NRXN3: variants seen among roughly 807,000 people sequenced by gnomAD.
NRXN3 encodes neurexin III.
Under a neutral mutation model 137.6 loss-of-function variants are expected in NRXN3, and 32 were observed. That is an observed-to-expected ratio of 0.23 (90% CI 0.18 to 0.31). The LOEUF (loss-of-function observed/expected upper bound fraction) is 0.31, where lower values mean the gene tolerates loss of function less well. NRXN3 is among the 10% of genes least tolerant of loss of function. NRXN3 has a pLI of 1.00. For missense variants in NRXN3, 1,574 were observed against 2,062.5 expected (o/e 0.76, Z 4.59); for synonymous variants, 798 against 784.5 (o/e 1.02, Z -0.29).
Position 79,001,221 on chromosome 14 carries a change from C to G in NRXN3, c.3262+13080C>G, listed in dbSNP as rs191868562. 4.6e-5 allele frequency among the ~76,000 whole-genome samples: 7 copies of G among 152,284 alleles called. No individual in the cohort carries two copies. In the East Asian group the frequency reaches 1.4e-3, roughly 29 times the overall value. Reference sequence around the variant, plus strand: ...GTGAAGAAGACTTCACAGTCCTTGACAGTCTTTGAGCTCTCCATTGTTGTT... The same window carrying G: ...GTGAAGAAGACTTCACAGTCCTTGAGAGTCTTTGAGCTCTCCATTGTTGTT... On this transcript the variant is annotated intron_variant, in intron 15 of 20. Coordinates refer to ENST00000335750, the MANE Select transcript of NRXN3 (RefSeq NM_001330195.2).
intron 6 of NRXN3, among the ~76,000 whole-genome samples, chr14:78,705,209 T>C (rs6574465): frequency 0.97 from 147,038 of 152,334 alleles, 71,073 homozygotes; most frequent in Non-Finnish European, 0.99. Context: ...CTTTCTGTCA[T>C]TTGATGCCAC....
chr14:79,062,964 T>G (rs553474195), intron 15 of NRXN3, among the ~76,000 whole-genome samples: 1 of 152,214 alleles, frequency 6.6e-6, no homozygotes, highest in South Asian at 2.1e-4. Context: ...AGGCAGTAAT[T>G]TGTATAGTAT....
rs555738398 is a variant in NRXN3, at chr14:78,461,775, C to T, written c.757+163915C>T. 3.9e-5 allele frequency among the ~76,000 whole-genome samples: 6 copies of T among 152,266 alleles called. No homozygotes were observed. The South Asian group carries it at 6.2e-4, about 16-fold the overall frequency. ...AAGATGTTGGGGTCACTATAAGCTT[C>T]GAGAATGGCTGAGGTCCAAATCCTA... On this transcript the variant is annotated intron_variant, in intron 4 of 20. Transcript: ENST00000335750.
At chr14:78,279,339 T>C (rs193273283) in intron 3 of NRXN3, among the ~76,000 whole-genome samples, 1 of 152,336 alleles carries the variant, frequency 6.6e-6, no homozygotes. Flanking sequence ...TATAGACAAA[T>C]ATATATGCAC....
chr14:78,853,538 T>C (rs2099048732), intron 10 of NRXN3, among the ~76,000 whole-genome samples: 1 of 152,188 alleles, frequency 6.6e-6, no homozygotes, highest in Non-Finnish European at 1.5e-5. Flanking sequence ...ATTATAACAT[T>C]TGTTAATTGT....
intron 15 of NRXN3, among the ~76,000 whole-genome samples, chr14:79,061,407 G>T (rs989830563): frequency 1.2e-4 from 18 of 152,212 alleles, no homozygotes; most frequent in African/African-American, 4.3e-4. Flanking sequence ...GGAAGGAGGG[G>T]CAGAGTTAAC....
In NRXN3 at chr14:78,179,623, A is replaced by G. The variant is rs1453212202; in HGVS notation, c.-704+8949A>G. On this transcript the variant is annotated intron_variant, in intron 1 of 20. Transcript: ENST00000335750. ...CCTGGCTCCAAATTTGGAATTGTCA[A>G]CTCTCCCAGAGCCTTCAGGAGGCAC... 1.3e-5 allele frequency among the ~76,000 whole-genome samples: 2 copies of G among 151,520 alleles called. 1 individual carries two copies. The highest frequency in any genetic ancestry group is 4.9e-5 in the African/African-American group (2 of 41,214).
intron 4 of NRXN3, among the ~76,000 whole-genome samples, chr14:78,402,508 G>A (rs989392783): frequency 6.6e-6 from 1 of 152,134 alleles, no homozygotes; most frequent in African/African-American, 2.4e-5. Flanking sequence ...TGGAGCGTTT[G>A]GTGATGTCCT....
intron 19 of NRXN3, among the ~76,000 whole-genome samples, chr14:79,705,873 T>C (rs2098776237): frequency 6.6e-6 from 1 of 152,200 alleles, no homozygotes; most frequent in African/African-American, 2.4e-5. Flanking sequence ...ATTTAGTAGA[T>C]TGTGAGTTCT....
chr14:79,165,553 A>G (rs1006521434), intron 15 of NRXN3, among the ~76,000 whole-genome samples: 1 of 152,044 alleles, frequency 6.6e-6, no homozygotes, highest in African/African-American at 2.4e-5. Flanking sequence ...GCAGACACAC[A>G]CAATCCAACC....
chr14:79,043,168 C>T (rs1416123520), intron 15 of NRXN3, among the ~76,000 whole-genome samples: 1 of 152,094 alleles, frequency 6.6e-6, no homozygotes, highest in Non-Finnish European at 1.5e-5. Flanking sequence ...ATTTCAAAAA[C>T]CCTACCAAGT....
At chr14:78,842,345 A>G (rs1045466214) in intron 10 of NRXN3, among the ~76,000 whole-genome samples, 3 of 152,096 alleles carry the variant, frequency 2.0e-5, no homozygotes, top group Non-Finnish European at 2.9e-5. Context: ...GAGACATCAC[A>G]TATCGGCAGG....
At chr14:78,610,740 G>A (rs1159486178) in intron 4 of NRXN3, among the ~76,000 whole-genome samples, 1 of 152,320 alleles carries the variant, frequency 6.6e-6, no homozygotes, top group Non-Finnish European at 1.5e-5. Flanking sequence ...TTGACACCAA[G>A]GTGCAGGTGA....
chr14:79,284,381 T>TATATATATATATATATATAA (rs2081890314), intron 15 of NRXN3, among the ~76,000 whole-genome samples: 1 of 123,392 alleles, frequency 8.1e-6, no homozygotes, highest in Non-Finnish European at 1.6e-5. Flanking sequence ...TATATATATA[T>TATATATATATATATATATAA]ATATGTATCT....
intron 15 of NRXN3, among the ~76,000 whole-genome samples, chr14:79,051,632 T>C (rs1158351467): frequency 6.6e-6 from 1 of 152,240 alleles, no homozygotes; most frequent in Non-Finnish European, 1.5e-5. Flanking sequence ...ACGGCCTTCA[T>C]TTTTATGGAG....
At chr14:78,910,353 C>A (rs1436081284) in intron 10 of NRXN3, among the ~76,000 whole-genome samples, 1 of 152,116 alleles carries the variant, frequency 6.6e-6, no homozygotes, top group African/African-American at 2.4e-5. Flanking sequence ...TGGTGGCTAT[C>A]TTGGAGGGTT....
chr14:79,527,915 T>C lies in NRXN3; in HGVS notation c.3444+60513T>C, dbSNP rs565012036. On this transcript the variant is annotated intron_variant, in intron 16 of 20. Transcript: ENST00000335750. ...AGAAAGAAAAAAGTAATGGCAGTAG[T>C]AGCAGGAGTAGTAGTAGTAACAGAT... 1.1e-3 allele frequency among the ~76,000 whole-genome samples: 169 copies of C among 149,612 alleles called. 1 individual carries two copies. The highest frequency in any genetic ancestry group is 3.6e-3 in the African/African-American group (146 of 40,730).
rs117851704 is a variant in NRXN3 at position 78,561,893 on chromosome 14, G to A, written c.758-83227G>A. Among the ~76,000 whole-genome samples, 79 of 152,254 alleles carry A rather than the reference G, an allele frequency of 5.2e-4. 3 individuals are homozygous for A. The East Asian group carries it at 0.015, about 29-fold the overall frequency. ...CCTCATGTGGGTTTCTCTACTCCAA[G>A]GAGGCATAGGAGTTTAAAATAGGAA... On this transcript the variant is annotated intron_variant, in intron 4 of 20. Coordinates refer to ENST00000335750, the MANE Select transcript of NRXN3 (RefSeq NM_001330195.2).
intron 10 of NRXN3, among the ~76,000 whole-genome samples, chr14:78,907,162 A>C (rs1248852148): frequency 6.6e-6 from 1 of 152,064 alleles, no homozygotes; most frequent in African/African-American, 2.4e-5. Context: ...ATTGGATTGC[A>C]TATTAAATTT....
Sources: allele counts gnomAD v4.1 joint callset (sites outside exome capture counted in the v4.1 genomes callset), GRCh38; gene constraint gnomAD v4.1.1; transcripts MANE v1.5; gene names NCBI Gene and HGNC (gene_info 2026-07-23, HGNC 2026-07-21).